SERPINE3: variants seen among roughly 807,000 people sequenced by gnomAD.
SERPINE3 encodes the protein serpin family E member 3.
A neutral mutation model predicts 41.7 loss-of-function variants in SERPINE3; 43 were observed. The observed-to-expected ratio is 1.03, with a 90% CI of 0.81 to 1.33. The LOEUF (loss-of-function observed/expected upper bound fraction) is 1.33. Ranked by LOEUF, SERPINE3 falls within the 40% of genes most tolerant of loss-of-function variation. The pLI, the probability that SERPINE3 is intolerant of heterozygous loss-of-function variation, is 0.00. For synonymous variants in SERPINE3, 200 were observed against 192.2 expected (o/e 1.04, Z -0.34); for missense variants, 440 against 491.7 (o/e 0.89, Z 0.99).
chr13:51,363,953 T>C, intron 9 of SERPINE3: 1 of 224,576 alleles, frequency 4.5e-6, no homozygotes. Context: ...GCTGAATCTC[T>C]TTCCTAGATA....
At chr13:51,341,475 A>C (rs1593635234) in intron 3 of SERPINE3, 128 bp downstream of exon 3, 2 of 932,198 alleles carry the variant, frequency 2.1e-6, no homozygotes, top group Non-Finnish European at 3.2e-6. Flanking sequence ...ACTCACACTC[A>C]CTCTCTCCAG....
Position 51,342,225 on chromosome 13 carries a change from C to T in SERPINE3, c.256+878C>T, listed in dbSNP as rs368484319. Among the ~76,000 whole-genome samples the T allele has an allele frequency of 2.4e-4, 36 of 150,140 alleles. No individual in the cohort carries two copies. The East Asian group carries it at 6.2e-3, about 26-fold the overall frequency. On this transcript the variant is annotated intron_variant, in intron 3 of 9. Transcript: ENST00000681248. ...AGAGGCTATGAGCTCTGCGGCCTCA[C>T]GTTCATTCAAAGTGGAATGAAGCTG... is the stretch of plus-strand genomic sequence containing the variant.
intron 2 of SERPINE3, 88 bp downstream of exon 2, chr13:51,340,949 G>A (rs948046410): frequency 3.5e-6 from 3 of 857,252 alleles, no homozygotes; most frequent in Non-Finnish European, 5.4e-6. Context: ...ACAGCTCAAT[G>A]CATCTCTCCC....
At chr13:51,359,408 G>A (rs1955527863) in intron 7 of SERPINE3, among the ~76,000 whole-genome samples, 1 of 152,138 alleles carries the variant, frequency 6.6e-6, no homozygotes, top group South Asian at 2.1e-4. Context: ...AGATGCTGAT[G>A]CTGGGGCATG....
At chr13:51,352,244 GAA>G (rs1955410959) in intron 6 of SERPINE3, among the ~76,000 whole-genome samples, 1 of 152,064 alleles carries the variant, frequency 6.6e-6, no homozygotes, top group Non-Finnish European at 1.5e-5. Context: ...CATGAACTCA[GAA>G]TATCTTTCCT....
chr13:51,355,628 C>T (rs1465004890), intron 7 of SERPINE3, among the ~76,000 whole-genome samples: 3 of 152,208 alleles, frequency 2.0e-5, no homozygotes, highest in Non-Finnish European at 1.5e-5. Context: ...TACCCATACT[C>T]TTACAACCTT....
intron 7 of SERPINE3, among the ~76,000 whole-genome samples, chr13:51,359,459 T>C (rs1955528877): frequency 6.6e-6 from 1 of 152,108 alleles, no homozygotes; most frequent in Admixed American, 6.6e-5. Context: ...TGCAAACATA[T>C]AAATGTCAAT....
intron 7 of SERPINE3, among the ~76,000 whole-genome samples, chr13:51,359,136 T>A (rs1955523519): frequency 6.6e-6 from 1 of 152,076 alleles, no homozygotes; most frequent in East Asian, 1.9e-4. Context: ...ATAGGGCGTA[T>A]GTCCCTCAAT....
intron 6 of SERPINE3, chr13:51,353,952 T>A (rs949540473): frequency 6.6e-6 from 1 of 152,182 alleles, no homozygotes; most frequent in Admixed American, 6.5e-5. Context: ...AAATGCCTTG[T>A]CCCTGGGGAA....
chr13:51,349,833 C>T (rs1225622262), intron 6 of SERPINE3, among the ~76,000 whole-genome samples: 1 of 152,154 alleles, frequency 6.6e-6, no homozygotes, highest in Admixed American at 6.5e-5. Flanking sequence ...TTTTTTAAAT[C>T]TCCTTAAGAC....
Position 51,360,674 on chromosome 13 carries a change from T to C in SERPINE3, c.1001-604T>C, listed in dbSNP as rs531510737. 5.3e-5 allele frequency among the ~76,000 whole-genome samples: 8 copies of C among 152,180 alleles called. No homozygotes were observed. The South Asian group carries it at 1.7e-3, about 32-fold the overall frequency. On this transcript the variant is annotated intron_variant, in intron 7 of 9. Coordinates refer to ENST00000681248, the MANE Select transcript of SERPINE3 (RefSeq NM_001386375.1). Reference sequence around the variant, plus strand: ...TGTAGATTCTAGCCCATGAGGCAAATTAATTGCATAACTGATACACCTAAG... The same window carrying C: ...TGTAGATTCTAGCCCATGAGGCAAACTAATTGCATAACTGATACACCTAAG...
intron 5 of SERPINE3, among the ~76,000 whole-genome samples, chr13:51,347,870 C>A (rs1466002302): frequency 1.3e-5 from 2 of 152,034 alleles, no homozygotes; most frequent in African/African-American, 4.8e-5. Flanking sequence ...TTACCATCCA[C>A]AGGTTCAGGC....
intron 4 of SERPINE3, among the ~76,000 whole-genome samples, chr13:51,345,328 G>A (rs1955335483): frequency 6.6e-6 from 1 of 152,164 alleles, no homozygotes; most frequent in Admixed American, 6.5e-5. Flanking sequence ...AAGACCCAGT[G>A]TTGGTTAAAA....
Position 51,361,270 on chromosome 13 carries a change from G to A in SERPINE3, c.1001-8G>A. On this transcript the variant is annotated splice_polypyrimidine_tract_variant and splice_region_variant and intron_variant, in intron 7 of 9. Coordinates refer to ENST00000681248, the MANE Select transcript of SERPINE3 (RefSeq NM_001386375.1). ...GCAACTCACATTTTTATCATTTTCT[G>A]TGGTTAGGCCAAGATGGCTTTTATG... The A allele has an allele frequency of 1.3e-6, 2 of 1,594,066 alleles. No homozygotes were observed. The highest frequency in any genetic ancestry group is 1.7e-6 in the Non-Finnish European group (2 of 1,165,160).
intron 7 of SERPINE3, among the ~76,000 whole-genome samples, chr13:51,359,258 C>CAATAAAA (rs1182467539): frequency 6.6e-6 from 1 of 151,902 alleles, no homozygotes; most frequent in Admixed American, 6.6e-5. Context: ...AATAGCTACT[C>CAATAAAA]AATAAAAAAT....
intron 2 of SERPINE3, 90 bp downstream of exon 2, chr13:51,340,951 A>G (rs759863543): frequency 1.1e-5 from 10 of 885,396 alleles, no homozygotes; most frequent in African/African-American, 1.0e-4. Flanking sequence ...AGCTCAATGC[A>G]TCTCTCCCTC....
In SERPINE3 at chr13:51,361,290, T is replaced by A; in HGVS notation, c.1013T>A (p.Phe338Tyr). 1 of 1,608,920 alleles carries A rather than the reference T, an allele frequency of 6.2e-7. No homozygotes were observed. The highest frequency in any genetic ancestry group is 1.7e-5 in the Admixed American group (1 of 59,652). Residue 338 changes from phenylalanine (F) to tyrosine (Y), a missense_variant, in exon 8 of 10, where the codon TTT becomes TAT. Coordinates refer to ENST00000681248, the MANE Select transcript of SERPINE3 (RefSeq NM_001386375.1). ...NLKGISGQDG[F>Y]YVSEAIHKAK... ...TTTCTGTGGTTAGGCCAAGATGGCT[T>A]TTATGTTTCTGAAGCAATCCACAAG...
chr13:51,354,513 C>T (rs138212282), intron 6 of SERPINE3, among the ~76,000 whole-genome samples: 2 of 151,210 alleles, frequency 1.3e-5, no homozygotes, highest in South Asian at 2.1e-4. Flanking sequence ...CCCAGCTACT[C>T]GGGAAGCTAA....
chr13:51,343,180 G>A (rs1955311136), intron 3 of SERPINE3, among the ~76,000 whole-genome samples: 1 of 152,178 alleles, frequency 6.6e-6, no homozygotes, highest in African/African-American at 2.4e-5. Context: ...TCATCCCAGT[G>A]AAAACCAGCC....
Sources: gnomAD v4.1 joint callset for allele counts (sites outside exome capture counted in the v4.1 genomes callset) on GRCh38, gnomAD v4.1.1 for gene constraint, MANE v1.5 for transcripts, NCBI Gene and HGNC (gene_info 2026-07-23, HGNC 2026-07-21) for gene names.